KCNG3: variants seen among roughly 807,000 people sequenced by gnomAD.
KCNG3 encodes the protein voltage-gated potassium channel regulatory subunit KCNG3.
A neutral mutation model predicts 29.0 loss-of-function variants in KCNG3; 15 were observed. The observed-to-expected ratio is 0.52, with a 90% CI of 0.35 to 0.80. KCNG3 has a LOEUF of 0.80. Ranked by LOEUF, KCNG3 falls within the 30% of genes least tolerant of loss-of-function variation. The pLI is 0.01. For missense variants in KCNG3, 512 were observed against 605.7 expected (o/e 0.85, Z 1.62); for synonymous variants, 322 against 248.9 (o/e 1.29, Z -2.76).
In KCNG3 at chr2:42,492,944, C is replaced by T. The variant is rs1395002002; in HGVS notation, c.558G>A (p.Val186=). The T allele has an allele frequency of 3.8e-6, 6 of 1,588,292 alleles. No individual in the cohort carries two copies. Among genetic ancestry groups the T allele is most frequent in the Non-Finnish European group, 5.1e-6 (6 of 1,171,052 alleles). The change falls in exon 1 of 2, where the codon GTG becomes GTA. Residue 186 remains valine (V), a synonymous_variant. Coordinates refer to ENST00000306078, the MANE Select transcript of KCNG3 (RefSeq NM_133329.6). ...CGGGCAACGTGCTGGCGCACAGCAC[C>T]ACCATGGACACGATCACGAACACCA... ...VSVVFVIVSM[V]VLCASTLPDW...
intron 1 of KCNG3, among the ~76,000 whole-genome samples, chr2:42,457,627 T>TCACACGCACACACA (rs1672910198): frequency 8.0e-6 from 1 of 125,434 alleles, no homozygotes; most frequent in Non-Finnish European, 1.7e-5. Flanking sequence ...CAGGCAGATC[T>TCACACGCACACACA]CACACACACA....
At chr2:42,464,179 A>C (rs182104487) in intron 1 of KCNG3, among the ~76,000 whole-genome samples, 222 of 152,308 alleles carry the variant, frequency 1.5e-3, no homozygotes, top group African/African-American at 5.1e-3. Flanking sequence ...GATTATTCTT[A>C]CTTAACTACT....
intron 1 of KCNG3, among the ~76,000 whole-genome samples, chr2:42,491,017 T>TGGGCCATTAAGCTAA (rs1673860075): frequency 6.6e-6 from 1 of 152,224 alleles, no homozygotes; most frequent in African/African-American, 2.4e-5. Context: ...AAGCTAAAAC[T>TGGGCCATTAAGCTAA]GGGCCATTAA....
chr2:42,462,922 T>A (rs1384529048), intron 1 of KCNG3, among the ~76,000 whole-genome samples: 3 of 151,824 alleles, frequency 2.0e-5, no homozygotes, highest in Non-Finnish European at 4.4e-5. Flanking sequence ...GCTACCAAAT[T>A]CCCCCCAAGT....
chr2:42,400,089 A>G, the KCNG3 span, among the ~76,000 whole-genome samples: 1 of 152,204 alleles, frequency 6.6e-6, no homozygotes, highest in Non-Finnish European at 1.5e-5. Context: ...AGTGTGGGCA[A>G]CAGAACGGGA....
At chr2:42,398,124 G>T in the KCNG3 span, among the ~76,000 whole-genome samples, 1 of 152,080 alleles carries the variant, frequency 6.6e-6, no homozygotes, top group Non-Finnish European at 1.5e-5. Flanking sequence ...TCGGAAGGCT[G>T]AGGCGGAAGA....
rs1673321202 is a variant in KCNG3, at chr2:42,472,805, C to T, written c.665+20032G>A. On this transcript the variant is annotated intron_variant, in intron 1 of 1. Coordinates refer to ENST00000306078, the MANE Select transcript of KCNG3 (RefSeq NM_133329.6). ...TCAACGATATATCTATAGATCTATA[C>T]ATATATCGATATATCTAGATATCTA... is the stretch of plus-strand genomic sequence containing the variant. 2.0e-5 allele frequency among the ~76,000 whole-genome samples: 3 copies of T among 148,884 alleles called. No homozygotes were observed. The South Asian group carries it at 6.3e-4, about 31-fold the overall frequency.
At chr2:42,395,059 G>C in the KCNG3 span, among the ~76,000 whole-genome samples, 1 of 152,128 alleles carries the variant, frequency 6.6e-6, no homozygotes, top group Non-Finnish European at 1.5e-5. Flanking sequence ...AGCAACCAAA[G>C]CATTTTTCTA....
chr2:42,414,349 T>C, the KCNG3 span, among the ~76,000 whole-genome samples: 98 of 152,308 alleles, frequency 6.4e-4, 2 homozygotes, highest in South Asian at 0.02. Context: ...AATTCAAAGT[T>C]CAAATTATTT....
At chr2:42,392,008 A>G in the KCNG3 span, among the ~76,000 whole-genome samples, 1 of 152,126 alleles carries the variant, frequency 6.6e-6, no homozygotes, top group Non-Finnish European at 1.5e-5. Flanking sequence ...TATTTTTCCT[A>G]CCAAAGATAC....
the KCNG3 span, among the ~76,000 whole-genome samples, chr2:42,427,920 A>C: frequency 6.6e-6 from 1 of 152,190 alleles, no homozygotes; most frequent in Non-Finnish European, 1.5e-5. Flanking sequence ...TGGTACATTA[A>C]CATGTAAGCC....
intron 1 of KCNG3, among the ~76,000 whole-genome samples, chr2:42,462,090 G>A (rs1237035365): frequency 6.6e-6 from 1 of 152,124 alleles, no homozygotes; most frequent in African/African-American, 2.4e-5. Flanking sequence ...CCATTAAACT[G>A]CTAAAAAATA....
At chr2:42,459,869 G>A (rs527823082) in intron 1 of KCNG3, among the ~76,000 whole-genome samples, 29 of 152,032 alleles carry the variant, frequency 1.9e-4, no homozygotes, top group East Asian at 3.9e-4. Flanking sequence ...CTAGCTACTC[G>A]GGAGGCTGAG....
chr2:42,399,933 G>A, the KCNG3 span, among the ~76,000 whole-genome samples: 3 of 152,236 alleles, frequency 2.0e-5, no homozygotes, highest in Admixed American at 1.3e-4. Flanking sequence ...TCAGGACAAA[G>A]GATGCATCAG....
intron 1 of KCNG3, among the ~76,000 whole-genome samples, chr2:42,488,898 T>A (rs1007162391): frequency 6.6e-6 from 1 of 151,814 alleles, no homozygotes; most frequent in African/African-American, 2.4e-5. Context: ...TCTGGAAGGT[T>A]ATATTTTGAA....
At chr2:42,394,033 A>C in the KCNG3 span, among the ~76,000 whole-genome samples, 4 of 152,114 alleles carry the variant, frequency 2.6e-5, no homozygotes, top group African/African-American at 9.7e-5. Context: ...CACCTGTCTC[A>C]GCCTCCCAAA....
intron 1 of KCNG3, chr2:42,463,942 G>T: frequency 3.0e-6 from 1 of 334,768 alleles, no homozygotes. Flanking sequence ...ACAGCCCTTG[G>T]TGAACACATC....
In KCNG3 at chr2:42,492,885, A is replaced by C. The variant is rs764731819; in HGVS notation, c.617T>G (p.Leu206Arg). Residue 206 changes from leucine to arginine, a missense_variant, in exon 1 of 2, where the codon CTG becomes CGG. Physicochemically the swap from Leu to Arg is moderately radical, Grantham distance 102. Coordinates refer to ENST00000306078, the MANE Select transcript of KCNG3 (RefSeq NM_133329.6). ...WRNAAADNRSLDDRSRYSAGP... is the reference protein window; with the variant it reads ...WRNAAADNRSRDDRSRYSAGP... ...GGCGGAGTACCTGCTCCGGTCATCC[A>C]GGCTGCGGTTGTCGGCGGCTGCGTT... The C allele has an allele frequency of 6.5e-7, 1 of 1,546,812 alleles. No individual in the cohort carries two copies. Among genetic ancestry groups the C allele is most frequent in the Non-Finnish European group, 8.7e-7 (1 of 1,152,686 alleles).
chr2:42,450,457 A>G (rs1196778540), intron 1 of KCNG3, among the ~76,000 whole-genome samples: 1 of 152,154 alleles, frequency 6.6e-6, no homozygotes, highest in Admixed American at 6.5e-5. Context: ...CTGCTGAAAA[A>G]CTGAGTACTG....
Sources: allele counts gnomAD v4.1 joint callset (sites outside exome capture counted in the v4.1 genomes callset), GRCh38; gene constraint gnomAD v4.1.1; transcripts MANE v1.5; gene names NCBI Gene and HGNC (gene_info 2026-07-23, HGNC 2026-07-21).